Variants in SORCS1 observed in about 807,000 individuals in gnomAD.
The protein encoded by SORCS1 is sortilin related VPS10 domain containing receptor 1.
In SORCS1, 60 loss-of-function variants were observed where a neutral mutation model predicts 146.1. The observed-to-expected ratio is 0.41, with a 90% confidence interval of 0.33 to 0.51. The LOEUF (loss-of-function observed/expected upper bound fraction) is 0.51, where lower values mean the gene tolerates loss of function less well. SORCS1 is among the 20% of genes least tolerant of loss of function. The pLI is 0.21. For synonymous variants in SORCS1, 637 were observed against 584.0 expected, an observed-to-expected ratio of 1.09 and a Z score of -1.31; for missense variants, 1,352 against 1,487.6, an observed-to-expected ratio of 0.91 and a Z score of 1.50.
intron 2 of SORCS1, among the ~76,000 whole-genome samples, chr10:106,837,260 A>C (rs751316438): frequency 6.6e-6 from 1 of 152,166 alleles, no homozygotes; most frequent in South Asian, 2.1e-4. Flanking sequence ...TCACCATGAC[A>C]ATGACTGGAG....
chr10:106,997,937 G>A (rs767904034), intron 1 of SORCS1, among the ~76,000 whole-genome samples: 19 of 152,146 alleles, frequency 1.2e-4, no homozygotes, highest in South Asian at 2.1e-4. Flanking sequence ...AAAGAGGAAG[G>A]ACTTTGCATT....
At chr10:106,602,512 A>AACACACACACACACACACACACACACAC (rs66699179) in intron 23 of SORCS1, among the ~76,000 whole-genome samples, 8 of 138,764 alleles carry the variant, frequency 5.8e-5, no homozygotes, top group South Asian at 2.4e-4. Context: ...ATTCCTTCAT[A>AACACACACACACACACACACACACACAC]ACACACACAC....
At chr10:106,852,900 T>C (rs1158414422) in intron 2 of SORCS1, among the ~76,000 whole-genome samples, 1 of 152,214 alleles carries the variant, frequency 6.6e-6, no homozygotes, top group Non-Finnish European at 1.5e-5. Context: ...TGCATCTTTG[T>C]TCATGAGAGA....
At position 106,901,360 on chromosome 10, in the gene SORCS1, C is replaced by G. The variant is rs867722124; in HGVS notation, c.626+55153G>C. Among the ~76,000 whole-genome samples the G allele has an allele frequency of 2.6e-5, 4 of 152,140 alleles. 1 individual carries two copies. The South Asian group carries it at 6.2e-4, about 24-fold the overall frequency. ...AGCTACGTAAGAGACAGAAATTTAT[C>G]TACAACATAAATAATGGAGAGGAAA... On this transcript the variant is annotated intron_variant, in intron 2 of 25. Coordinates refer to ENST00000263054, the MANE Select transcript of SORCS1 (RefSeq NM_052918.5).
chr10:106,763,709 C>T (rs577579125), intron 4 of SORCS1, among the ~76,000 whole-genome samples: 42 of 152,266 alleles, frequency 2.8e-4, no homozygotes, highest in African/African-American at 4.6e-4. Flanking sequence ...AGATTCCTAC[C>T]GGTCTCATCT....
At chr10:106,752,977 C>T (rs1170428665) in intron 5 of SORCS1, among the ~76,000 whole-genome samples, 6 of 151,860 alleles carry the variant, frequency 4.0e-5, no homozygotes, top group Non-Finnish European at 2.9e-5. Context: ...GCCACCGCAA[C>T]ATAAATTGAA....
intron 1 of SORCS1, among the ~76,000 whole-genome samples, chr10:107,039,689 G>GT (rs894146446): frequency 6.6e-6 from 1 of 152,188 alleles, no homozygotes; most frequent in African/African-American, 2.4e-5. Context: ...CAGCTGATCT[G>GT]TTTTTTAAAG....
chr10:106,888,598 G>A (rs1951097432), intron 2 of SORCS1, among the ~76,000 whole-genome samples: 1 of 152,210 alleles, frequency 6.6e-6, no homozygotes, highest in African/African-American at 2.4e-5. Context: ...AATGAGGGTA[G>A]TAATAACGTG....
intron 1 of SORCS1, among the ~76,000 whole-genome samples, chr10:107,134,382 T>C (rs754009019): frequency 6.6e-6 from 1 of 152,180 alleles, no homozygotes; most frequent in Non-Finnish European, 1.5e-5. Flanking sequence ...CTCAAGCCTG[T>C]AATCCCAGAA....
At position 107,149,289 on chromosome 10, in the gene SORCS1, C is replaced by T. The variant is rs571245281; in HGVS notation, c.558+14680G>A. On this transcript the variant is annotated intron_variant, in intron 1 of 25. Transcript: ENST00000263054. ...TTCTGGGACATTTCCATGTATTTAG[C>T]GTACATACACTGTCTCCAGTTGGCA... 3.3e-5 allele frequency among the ~76,000 whole-genome samples: 5 copies of T among 152,258 alleles called. No individual in the cohort carries two copies. In the South Asian group the frequency reaches 6.2e-4, roughly 19 times the overall value.
At position 106,838,971 on chromosome 10, in the gene SORCS1, TTA is replaced by T. The variant is rs375029810; in HGVS notation, c.627-9300_627-9299del. Among the ~76,000 whole-genome samples the T allele has an allele frequency of 5.6e-3, 858 of 152,294 alleles. 8 individuals are homozygous for T. The highest frequency in any genetic ancestry group is 0.019 in the African/African-American group (798 of 41,552). On this transcript the variant is annotated intron_variant, in intron 2 of 25. Coordinates refer to ENST00000263054, the MANE Select transcript of SORCS1 (RefSeq NM_052918.5). ...AGATGGCAAATTTAATCAATAAATATTATGTATGTTTTGACTGCTCCAACAAC... is the reference window on the plus strand; with the variant it reads ...AGATGGCAAATTTAATCAATAAATATTGTATGTTTTGACTGCTCCAACAAC...
rs1455634802 is a variant in SORCS1 at position 107,068,832 on chromosome 10, T to C, written c.558+95137A>G. Among the ~76,000 whole-genome samples the C allele has an allele frequency of 2.7e-5, 4 of 146,038 alleles. No individual in the cohort carries two copies. The South Asian group carries it at 8.5e-4, about 31-fold the overall frequency. On this transcript the variant is annotated intron_variant, in intron 1 of 25. Transcript: ENST00000263054. ...TTGCAGTGAGAAGAGATCGTGCCAC[T>C]GCACTCCAGCCTGGGCAACAGAGCG...
At chr10:106,749,778 C>T (rs777023433) in intron 5 of SORCS1, among the ~76,000 whole-genome samples, 1 of 152,300 alleles carries the variant, frequency 6.6e-6, no homozygotes, top group Non-Finnish European at 1.5e-5. Context: ...TTAACATTTA[C>T]TCATCACATA....
intron 1 of SORCS1, among the ~76,000 whole-genome samples, chr10:107,079,891 C>T (rs998395537): frequency 6.6e-6 from 1 of 152,122 alleles, no homozygotes; most frequent in Admixed American, 6.5e-5. Flanking sequence ...TAGCTTACAA[C>T]CTTCCTCATG....
At chr10:107,173,151 A>G in the SORCS1 span, among the ~76,000 whole-genome samples, 1 of 152,190 alleles carries the variant, frequency 6.6e-6, no homozygotes, top group Non-Finnish European at 1.5e-5. Context: ...TCTGACTTCT[A>G]TAACTATACA....
intron 6 of SORCS1, among the ~76,000 whole-genome samples, chr10:106,725,157 A>G (rs970894162): frequency 6.6e-6 from 1 of 152,000 alleles, no homozygotes; most frequent in Non-Finnish European, 1.5e-5. Context: ...AACAAAACAA[A>G]ACAAAATAAA....
rs116342654 is a variant in SORCS1, at chr10:106,807,488, T to C, written c.726+22086A>G. On this transcript the variant is annotated intron_variant, in intron 3 of 25. Transcript: ENST00000263054. Reference sequence around the variant, plus strand: ...TTGAGCTCAGATGTTTGTAGATCCATGCAAGAAAAGTAATTTCTCTTGGTT... The same window carrying C: ...TTGAGCTCAGATGTTTGTAGATCCACGCAAGAAAAGTAATTTCTCTTGGTT... 2.1e-3 allele frequency among the ~76,000 whole-genome samples: 324 copies of C among 152,330 alleles called. 1 individual carries two copies. The highest frequency in any genetic ancestry group is 7.5e-3 in the African/African-American group (310 of 41,578).
chr10:106,840,522 T>C (rs1045013447), intron 2 of SORCS1, among the ~76,000 whole-genome samples: 2 of 152,096 alleles, frequency 1.3e-5, no homozygotes, highest in African/African-American at 4.8e-5. Context: ...GGTGTAAACA[T>C]TGTTGAAATG....
the SORCS1 span, among the ~76,000 whole-genome samples, chr10:107,175,975 T>A: frequency 1.3e-5 from 2 of 152,192 alleles, no homozygotes; most frequent in Non-Finnish European, 2.9e-5. Context: ...TTATTAATTG[T>A]TAAAAGCAAA....
Sources: allele counts gnomAD v4.1 joint callset (sites outside exome capture counted in the v4.1 genomes callset), GRCh38; gene constraint gnomAD v4.1.1; transcripts MANE v1.5; gene names NCBI Gene and HGNC (gene_info 2026-07-23, HGNC 2026-07-21).